Variants in FSTL5 observed in about 807,000 individuals in gnomAD.
The protein encoded by FSTL5 is follistatin like 5, also known as follistatin-related protein 5.
A neutral mutation model predicts 89.1 loss-of-function variants in FSTL5; 62 were observed. The ratio of observed to expected loss-of-function variants is 0.70; its 90% confidence interval spans 0.57 to 0.86. FSTL5 has a LOEUF of 0.86. Among genes scored for constraint, FSTL5 ranks in the 40% least tolerant of loss-of-function variants. The pLI is 0.00. For missense variants in FSTL5, 1,057 were observed against 1,001.6 expected (o/e 1.06, Z -0.75); for synonymous variants, 383 against 346.2 (o/e 1.11, Z -1.18).
intron 3 of FSTL5, among the ~76,000 whole-genome samples, chr4:161,963,454 T>C (rs1735237793): frequency 6.6e-6 from 1 of 151,928 alleles, no homozygotes; most frequent in African/African-American, 2.4e-5. Flanking sequence ...AATACTACAG[T>C]AACCTTGGTT....
At chr4:161,627,778 G>GCCC (rs975179501) in intron 7 of FSTL5, among the ~76,000 whole-genome samples, 27 of 151,958 alleles carry the variant, frequency 1.8e-4, no homozygotes, top group African/African-American at 6.5e-4. Context: ...TAAAGTGAAA[G>GCCC]TTGACTAAAA....
At chr4:161,748,946 CG>C (rs1740300201) in intron 6 of FSTL5, among the ~76,000 whole-genome samples, 1 of 151,970 alleles carries the variant, frequency 6.6e-6, no homozygotes, top group African/African-American at 2.4e-5. Flanking sequence ...CACTAAGCAT[CG>C]GATAAATGCA....
chr4:161,546,292 T>TTTTATA (rs1553996338), intron 8 of FSTL5, among the ~76,000 whole-genome samples: 40 of 145,590 alleles, frequency 2.7e-4, no homozygotes, highest in African/African-American at 9.0e-4. Context: ...TATATACATA[T>TTTTATA]TATATATATA....
intron 7 of FSTL5, among the ~76,000 whole-genome samples, chr4:161,602,509 G>T (rs546596608): frequency 1.3e-4 from 19 of 151,460 alleles, no homozygotes; most frequent in African/African-American, 4.6e-4. Flanking sequence ...GGAAAATAGA[G>T]ATTGGAATAT....
At chr4:161,784,046 C>A (rs952423035) in intron 4 of FSTL5, among the ~76,000 whole-genome samples, 1 of 151,654 alleles carries the variant, frequency 6.6e-6, no homozygotes, top group African/African-American at 2.4e-5. Flanking sequence ...AGCTATTCCC[C>A]TGCCTCAGCC....
chr4:161,787,069 G>C lies in FSTL5; in HGVS notation c.410-10995C>G, dbSNP rs1016327393. Among the ~76,000 whole-genome samples the C allele has an allele frequency of 3.9e-5, 6 of 152,106 alleles. No homozygotes were observed. The East Asian group carries it at 1.2e-3, about 29-fold the overall frequency. On this transcript the variant is annotated intron_variant, in intron 4 of 15. Transcript: ENST00000306100. ...AAGTAGAGGTGAATAATAGGAGATAGAGTAAATTGATACTTGACATTTTCT... is the reference window on the plus strand; with the variant it reads ...AAGTAGAGGTGAATAATAGGAGATACAGTAAATTGATACTTGACATTTTCT...
At chr4:161,440,934 A>G (rs1483623249) in intron 15 of FSTL5, among the ~76,000 whole-genome samples, 1 of 152,168 alleles carries the variant, frequency 6.6e-6, no homozygotes, top group Non-Finnish European at 1.5e-5. Flanking sequence ...AAATTGCCTA[A>G]TAAATTTTGA....
chr4:161,793,056 T>G (rs944532963), intron 4 of FSTL5, among the ~76,000 whole-genome samples: 9 of 152,228 alleles, frequency 5.9e-5, no homozygotes, highest in Non-Finnish European at 1.3e-4. Flanking sequence ...GGCATTTCCC[T>G]CATCCATATG....
At chr4:162,022,664 G>A (rs1477216494) in intron 3 of FSTL5, 1 of 152,084 alleles carries the variant, frequency 6.6e-6, no homozygotes, top group Non-Finnish European at 1.5e-5. Flanking sequence ...AGGGCCAACA[G>A]GTGACACAGA....
At chr4:161,895,882 T>A (rs1185322672) in intron 4 of FSTL5, among the ~76,000 whole-genome samples, 1 of 152,124 alleles carries the variant, frequency 6.6e-6, no homozygotes, top group Non-Finnish European at 1.5e-5. Flanking sequence ...AGCTTACACT[T>A]TCTGTTTCAC....
chr4:162,066,755 C>A (rs1385317633), intron 2 of FSTL5, among the ~76,000 whole-genome samples: 1 of 151,984 alleles, frequency 6.6e-6, no homozygotes, highest in East Asian at 1.9e-4. Context: ...CTGCAAAGGA[C>A]ATGAACTAAT....
intron 6 of FSTL5, among the ~76,000 whole-genome samples, chr4:161,738,279 C>G (rs1300827034): frequency 6.6e-6 from 1 of 152,040 alleles, no homozygotes; most frequent in Non-Finnish European, 1.5e-5. Flanking sequence ...AGCCATTAAC[C>G]TATAAATAAT....
chr4:161,754,070 T>G (rs1284923117), intron 6 of FSTL5, among the ~76,000 whole-genome samples: 1 of 72,852 alleles, frequency 1.4e-5, no homozygotes, highest in African/African-American at 4.4e-5. Flanking sequence ...AAAAAAGAAC[T>G]GTTTCATATA....
At chr4:161,943,559 T>G in intron 3 of FSTL5, among the ~76,000 whole-genome samples, 1 of 117,474 alleles carries the variant, frequency 8.5e-6, no homozygotes, top group Admixed American at 9.0e-5. Flanking sequence ...TTTTTTTTTT[T>G]TTTTTTTTTT....
At chr4:161,690,966 T>G (rs1172210428) in intron 6 of FSTL5, among the ~76,000 whole-genome samples, 3 of 152,200 alleles carry the variant, frequency 2.0e-5, no homozygotes, top group Admixed American at 2.0e-4. Context: ...TTCATGTCCC[T>G]GCAAAGCACA....
chr4:161,519,939 G>A (rs1478845359), intron 10 of FSTL5, among the ~76,000 whole-genome samples: 1 of 152,024 alleles, frequency 6.6e-6, no homozygotes, highest in Non-Finnish European at 1.5e-5. Flanking sequence ...TAAGTGCCTG[G>A]CACATAATCA....
At position 162,121,709 on chromosome 4, in the gene FSTL5, T is replaced by G. The variant is rs72984756; in HGVS notation, c.-16-10297A>C. On this transcript the variant is annotated intron_variant, in intron 1 of 15. Coordinates refer to ENST00000306100, the MANE Select transcript of FSTL5 (RefSeq NM_020116.5). ...TCAGCTTTGCTTATATATGACAGTA[T>G]CTAAAAAAAAGTTACTTCAATATTG... Among the ~76,000 whole-genome samples, 585 of 152,088 alleles carry G rather than the reference T, an allele frequency of 3.8e-3. 4 individuals are homozygous for G. Among genetic ancestry groups the G allele is most frequent in the African/African-American group, 0.013 (541 of 41,532 alleles).
intron 15 of FSTL5, among the ~76,000 whole-genome samples, chr4:161,398,929 A>C (rs1303388248): frequency 6.6e-6 from 1 of 152,252 alleles, no homozygotes; most frequent in Middle Eastern, 3.4e-3. Flanking sequence ...AAAAGCCCAG[A>C]CATAAATGAA....
chr4:161,949,719 G>T (rs1734838483), intron 3 of FSTL5, among the ~76,000 whole-genome samples: 2 of 150,296 alleles, frequency 1.3e-5, no homozygotes, highest in South Asian at 4.2e-4. Flanking sequence ...TTAATTTCAG[G>T]GATTCTTTTC....
Sources: gnomAD v4.1 joint callset for allele counts (sites outside exome capture counted in the v4.1 genomes callset) on GRCh38, gnomAD v4.1.1 for gene constraint, MANE v1.5 for transcripts, NCBI Gene and HGNC (gene_info 2026-07-23, HGNC 2026-07-21) for gene names.